SLC67A1: variants seen among roughly 807,000 people sequenced by gnomAD.
SLC67A1 encodes the protein solute carrier family 67 member A1.
At chr11:2,899,890 A>G in the SLC67A1 span, 6 of 597,812 alleles carry the variant, frequency 1.0e-5, no homozygotes, top group South Asian at 1.5e-4. Context: ...TTGGTAACTC[A>G]TCCCATCTCC....
At chr11:2,918,240 T>C in the SLC67A1 span, 5 of 657,808 alleles carry the variant, frequency 7.6e-6, no homozygotes, top group Admixed American at 5.8e-5. Context: ...GGCAGAAAAG[T>C]GTCTTTCCCA....
the SLC67A1 span, among the ~76,000 whole-genome samples, chr11:2,913,918 G>A: frequency 0.049 from 7,448 of 152,288 alleles, 257 homozygotes; most frequent in Middle Eastern, 0.15. Flanking sequence ...CCAACTCCAC[G>A]CCCTGCTATC....
At chr11:2,909,281 T>A in the SLC67A1 span, 1 of 1,534,586 alleles carries the variant, frequency 6.5e-7, no homozygotes, top group South Asian at 1.2e-5. Context: ...GGCGGCCGCC[T>A]CCAGCCCGGC....
At chr11:2,910,825 C>G in the SLC67A1 span, among the ~76,000 whole-genome samples, 1 of 152,204 alleles carries the variant, frequency 6.6e-6, no homozygotes, top group Non-Finnish European at 1.5e-5. Context: ...GCCCAAGCAG[C>G]CTGGGGTGCC....
chr11:2,922,418 C>A, the SLC67A1 span: 5 of 1,607,462 alleles, frequency 3.1e-6, no homozygotes, highest in Non-Finnish European at 3.4e-6. Context: ...TCAGCTCGGC[C>A]CCCGCCTGCC....
chr11:2,903,226 G>A, the SLC67A1 span: 21 of 1,514,132 alleles, frequency 1.4e-5, no homozygotes, highest in East Asian at 1.4e-4. Context: ...AAGGCCAGGC[G>A]GGTGCTGCCT....
At chr11:2,909,299 G>C in the SLC67A1 span, 2 of 1,534,058 alleles carry the variant, frequency 1.3e-6, no homozygotes, top group African/African-American at 2.8e-5. Flanking sequence ...GGCCCTGCCC[G>C]GGGTCTACCT....
the SLC67A1 span, among the ~76,000 whole-genome samples, chr11:2,900,734 C>T: frequency 0.015 from 2,243 of 145,752 alleles, 30 homozygotes; most frequent in Middle Eastern, 0.029. Flanking sequence ...GGGGAAATTG[C>T]CATTTCTGAT....
At chr11:2,916,839 G>A in the SLC67A1 span, 1 of 978,624 alleles carries the variant, frequency 1.0e-6, no homozygotes, top group Non-Finnish European at 1.6e-6. Context: ...GGCCTGAGGG[G>A]AAATCTGGGG....
At chr11:2,910,652 G>C in the SLC67A1 span, among the ~76,000 whole-genome samples, 1 of 152,140 alleles carries the variant, frequency 6.6e-6, no homozygotes, top group Non-Finnish European at 1.5e-5. Context: ...TGTGCCGGCC[G>C]AGGTGGGGGA....
the SLC67A1 span, among the ~76,000 whole-genome samples, chr11:2,900,265 C>T: frequency 2.0e-5 from 3 of 152,190 alleles, no homozygotes; most frequent in African/African-American, 4.8e-5. Context: ...GGAATCCCCT[C>T]GAGCGGTACA....
chr11:2,909,179 C>G, the SLC67A1 span: 1 of 1,493,576 alleles, frequency 6.7e-7, no homozygotes, highest in East Asian at 2.6e-5. Flanking sequence ...GGGTCCGACC[C>G]GCCCCTCGGC....
At chr11:2,918,030 C>G in the SLC67A1 span, 1 of 1,613,696 alleles carries the variant, frequency 6.2e-7, no homozygotes. Context: ...GCCATCGCCT[C>G]CCTGCTGCGG....
chr11:2,911,447 G>T, the SLC67A1 span, among the ~76,000 whole-genome samples: 1 of 152,102 alleles, frequency 6.6e-6, no homozygotes, highest in East Asian at 1.9e-4. Flanking sequence ...GCAGGTGTGA[G>T]GTGTGGGGAG....
chr11:2,919,340 T>C, the SLC67A1 span: 1 of 1,613,986 alleles, frequency 6.2e-7, no homozygotes, highest in Non-Finnish European at 8.5e-7. Flanking sequence ...ATCATCTCCA[T>C]GGACTTCTTC....
chr11:2,904,943 A>C, the SLC67A1 span, among the ~76,000 whole-genome samples: 2 of 152,042 alleles, frequency 1.3e-5, no homozygotes, highest in African/African-American at 4.8e-5. Flanking sequence ...AGGAGGTGAG[A>C]GGTGGCTGGA....
the SLC67A1 span, among the ~76,000 whole-genome samples, chr11:2,918,595 T>C: frequency 6.6e-6 from 1 of 152,308 alleles, no homozygotes; most frequent in Non-Finnish European, 1.5e-5. Context: ...GGATGGAGAA[T>C]AGGCCCTCAG....
chr11:2,912,510 C>T, the SLC67A1 span, among the ~76,000 whole-genome samples: 1 of 152,244 alleles, frequency 6.6e-6, no homozygotes, highest in Non-Finnish European at 1.5e-5. Flanking sequence ...CATGTGTGGG[C>T]TTTCCCTCCC....
At chr11:2,924,662 T>G in the SLC67A1 span, among the ~76,000 whole-genome samples, 2 of 152,114 alleles carry the variant, frequency 1.3e-5, no homozygotes, top group Non-Finnish European at 2.9e-5. This position sits in a 1 kb window ranked among gnomAD's most constrained non-coding sequence, Gnocchi z 8.6. Flanking sequence ...ATTCCCAGGC[T>G]CCTCCTGTGC....
Sources: allele counts gnomAD v4.1 joint callset (sites outside exome capture counted in the v4.1 genomes callset), GRCh38; gene constraint gnomAD v4.1.1; non-coding constraint Gnocchi (gnomAD v3.1); transcripts MANE v1.5; gene names NCBI Gene and HGNC (gene_info 2026-07-23, HGNC 2026-07-21).